Variants in SLC48A1 observed in about 807,000 individuals in gnomAD.
SLC48A1 encodes the protein solute carrier family 48 member 1.
Under a neutral mutation model 14.8 loss-of-function variants are expected in SLC48A1, and 6 were observed. That is an observed-to-expected ratio of 0.41 (90% confidence interval 0.22 to 0.80). The LOEUF (loss-of-function observed/expected upper bound fraction) is 0.80. Among genes scored for constraint, SLC48A1 ranks in the 30% least tolerant of loss-of-function variants. The probability of loss-of-function intolerance (pLI) is 0.34; values close to 1 mark genes in which losing one functional copy is unlikely to be tolerated. For missense variants in SLC48A1, 165 were observed against 204.8 expected (o/e 0.81, Z 1.19); for synonymous variants, 89 against 90.0 (o/e 0.99, Z 0.06).
intron 2 of SLC48A1, 87 bp downstream of exon 2, chr12:47,779,282 C>G (rs1435007861): frequency 2.1e-6 from 3 of 1,448,596 alleles, no homozygotes; most frequent in African/African-American, 1.4e-5. Context: ...CACAGGTTAC[C>G]TCCAAAGAGA....
At chr12:47,758,112 G>A, upstream of SLC48A1, 1 of 1,541,416 alleles carries the variant, frequency 6.5e-7, no homozygotes, top group Non-Finnish European at 8.8e-7. Flanking sequence ...ACAGCCATGG[G>A]ACACGACTGG....
rs1396310351 is a variant in SLC48A1 at position 47,773,437 on chromosome 12, G to A, written c.133G>A (p.Ala45Thr). Residue 45 changes from alanine (A) to threonine (T), a missense_variant, in exon 1 of 3, where the codon GCA (alanine) becomes ACA (threonine). By Grantham distance (58) the Ala-to-Thr change is moderately conservative (BLOSUM62 0). Transcript: ENST00000442218. ...QPGTAAMGGL[A>T]GVLALWVLVT... ...GGGGACCGCGGCCATGGGAGGGCTC[G>A]CAGGTACCCCGGGACGCTGGGCGGC... The A allele has an allele frequency of 7.1e-7, 1 of 1,408,468 alleles. No individual in the cohort carries two copies. Among genetic ancestry groups the A allele is most frequent in the South Asian group, 1.5e-5 (1 of 66,704 alleles). The allele number at this position is 1,408,468 out of a possible 1,614,324, so 87.2% of individuals were successfully genotyped here.
upstream of SLC48A1, among the ~76,000 whole-genome samples, chr12:47,767,264 G>A (rs757039195): frequency 6.6e-6 from 1 of 152,132 alleles, no homozygotes; most frequent in Non-Finnish European, 1.5e-5. Flanking sequence ...CACTACCTAG[G>A]TACACAAGCT....
upstream of SLC48A1, chr12:47,769,199 T>C (rs1942576758): frequency 6.6e-6 from 1 of 152,190 alleles, no homozygotes; most frequent in Non-Finnish European, 1.5e-5. Context: ...CTGGGAAGTG[T>C]AGTTCAAATT....
upstream of SLC48A1, chr12:47,757,719 A>G (rs1942166527): frequency 2.0e-5 from 15 of 740,974 alleles, 1 homozygote; most frequent in South Asian, 2.5e-4. Flanking sequence ...CACTGCAGAC[A>G]AGCTTCCTGA....
At chr12:47,767,112 G>A (rs1253645096), upstream of SLC48A1, among the ~76,000 whole-genome samples, 8 of 147,358 alleles carry the variant, frequency 5.4e-5, no homozygotes, top group South Asian at 4.6e-4. Flanking sequence ...TGGGGAGAGG[G>A]AAGGAATCTA....
At chr12:47,759,118 G>T in intron 1 of SLC48A1, 1 of 968,626 alleles carries the variant, frequency 1.0e-6, no homozygotes, top group Non-Finnish European at 1.2e-6. Flanking sequence ...TGTGGAGGAG[G>T]CCGCAACGGC....
At chr12:47,773,867 C>G (rs1033778903) in intron 1 of SLC48A1, among the ~76,000 whole-genome samples, 3 of 152,252 alleles carry the variant, frequency 2.0e-5, no homozygotes, top group Non-Finnish European at 2.9e-5. Context: ...TCCCCTGCCC[C>G]CCAGGCGCCC....
At chr12:47,775,293 C>T (rs1942722994) in intron 1 of SLC48A1, among the ~76,000 whole-genome samples, 1 of 152,230 alleles carries the variant, frequency 6.6e-6, no homozygotes, top group South Asian at 2.1e-4. Context: ...TCTGCCCTCT[C>T]TCCCTCCCCA....
upstream of SLC48A1, chr12:47,773,090 C>A (rs1193926046): frequency 7.5e-5 from 47 of 628,296 alleles, no homozygotes; most frequent in Non-Finnish European, 9.1e-5. Flanking sequence ...AACGACACGG[C>A]AGCTTCGCAA....
At position 47,773,518 on chromosome 12, in the gene SLC48A1, C is replaced by T. The variant is rs1456494416; in HGVS notation, c.136+78C>T. 2.4e-6 allele frequency: 3 copies of T among 1,241,404 alleles called. No individual in the cohort carries two copies. In the African/African-American group the frequency reaches 4.7e-5, roughly 20 times the overall value. The allele number at this position is 1,241,404 out of a possible 1,614,324, so 76.9% of individuals were successfully genotyped here. On this transcript the variant is annotated intron_variant, in intron 1 of 2. Transcript: ENST00000442218. ...GCCGTCAGCTGCTCCAGGACGCTCC[C>T]CGCGAGCGGCGCTTCCCCGCGGAGC...
chr12:47,764,854 G>C (rs1234883682), intron 2 of SLC48A1, among the ~76,000 whole-genome samples: 4 of 152,092 alleles, frequency 2.6e-5, no homozygotes, highest in Admixed American at 1.3e-4. Context: ...CAAGGCGGGT[G>C]GATCACGAGG....
At position 47,780,568 on chromosome 12, in the gene SLC48A1, CTTTTT is replaced by C; in HGVS notation, c.*299_*303del. Reference sequence around the variant, plus strand: ...GTTTTCTTTTCTTTCTTTTTTTTTTCTTTTTTTTTTTTTTTTGAGATGGAGTCTTA... The same window carrying C: ...GTTTTCTTTTCTTTCTTTTTTTTTTCTTTTTTTTTTTGAGATGGAGTCTTA... On this transcript the variant is annotated 3_prime_UTR_variant, in exon 3 of 3. Coordinates refer to ENST00000442218, the MANE Select transcript of SLC48A1 (RefSeq NM_017842.3). 7.1e-6 allele frequency: 3 copies of C among 424,588 alleles called. No homozygotes were observed. Among genetic ancestry groups the C allele is most frequent in the South Asian group, 1.8e-5 (1 of 56,332 alleles). The allele number at this position is 424,588 out of a possible 1,614,324, so 26.3% of individuals were successfully genotyped here. A position where few individuals can be genotyped will look rare whatever the true frequency, so the allele number is the denominator to read the frequency against.
intron 2 of SLC48A1, among the ~76,000 whole-genome samples, chr12:47,766,088 C>A (rs893764836): frequency 1.3e-5 from 2 of 152,176 alleles, no homozygotes; most frequent in Non-Finnish European, 2.9e-5. Context: ...ATTCTTGGGG[C>A]CCCTGCTCTG....
rs1942879665 is a variant in SLC48A1, at chr12:47,781,613, T to C, written c.*1332T>C. 6.5e-6 allele frequency: 1 copy of C among 152,714 alleles called. No individual in the cohort carries two copies. Among genetic ancestry groups the C allele is most frequent in the East Asian group, 1.9e-4 (1 of 5,190 alleles). The allele number at this position is 152,714 out of a possible 1,614,324, so 9.5% of individuals were successfully genotyped here. ...CATCTGATGTGTCCTGCCCCTCAGC[T>C]CTTTGCCTTATCTGTGTCACTGTCA... On this transcript the variant is annotated 3_prime_UTR_variant, in exon 3 of 3. Coordinates refer to ENST00000442218, the MANE Select transcript of SLC48A1 (RefSeq NM_017842.3).
rs1053710456 is a variant in SLC48A1 at position 47,781,081 on chromosome 12, T to G, written c.*800T>G. 1.7e-5 allele frequency: 6 copies of G among 348,628 alleles called. No individual in the cohort carries two copies. The highest frequency in any genetic ancestry group is 8.4e-5 in the South Asian group (4 of 47,456). The allele number at this position is 348,628 out of a possible 1,614,324, so 21.6% of individuals were successfully genotyped here. On this transcript the variant is annotated 3_prime_UTR_variant, in exon 3 of 3. Coordinates refer to ENST00000442218, the MANE Select transcript of SLC48A1 (RefSeq NM_017842.3). ...CTAGCAGAGACCTCTTAAACCCCCA[T>G]CCCAGCACCCCATCCTGTTGTTCCC...
At chr12:47,769,433 A>G (rs898453039), upstream of SLC48A1, 1 of 152,268 alleles carries the variant, frequency 6.6e-6, no homozygotes, top group Non-Finnish European at 1.5e-5. Flanking sequence ...TTATGGCTCA[A>G]CAATCATTCC....
rs1942770971 is a variant in SLC48A1, at chr12:47,777,086, G to C, written c.137-1942G>C. ...CCCAGGGCCCTTTATAAACCAAACA[G>C]CTCCCTCAAATGAAAACATGGGACA... On this transcript the variant is annotated intron_variant, in intron 1 of 2. Coordinates refer to ENST00000442218, the MANE Select transcript of SLC48A1 (RefSeq NM_017842.3). This position sits in a 1 kb window ranked among gnomAD's most constrained non-coding sequence, Gnocchi z 4.5. Among the ~76,000 whole-genome samples the C allele has an allele frequency of 6.6e-6, 1 of 152,130 alleles. No individual in the cohort carries two copies. The highest frequency in any genetic ancestry group is 1.5e-5 in the Non-Finnish European group (1 of 68,020).
At chr12:47,760,835 T>C (rs1942359940) in intron 2 of SLC48A1, among the ~76,000 whole-genome samples, 1 of 152,202 alleles carries the variant, frequency 6.6e-6, no homozygotes, top group African/African-American at 2.4e-5. Flanking sequence ...CATGGTATAC[T>C]GCGTATACTC....
Sources: gnomAD v4.1 joint callset for allele counts (sites outside exome capture counted in the v4.1 genomes callset) on GRCh38, gnomAD v4.1.1 for gene constraint, Gnocchi (gnomAD v3.1) non-coding constraint, MANE v1.5 for transcripts, NCBI Gene and HGNC (gene_info 2026-07-23, HGNC 2026-07-21) for gene names.